Variants in VIL1 observed in about 807,000 individuals in gnomAD.
VIL1 encodes villin-1.
In VIL1, 86 loss-of-function variants were observed where a neutral mutation model predicts 104.0. The observed-to-expected ratio is 0.83, with a 90% CI of 0.69 to 0.99. The LOEUF is 0.99. Ranked by LOEUF, VIL1 falls within the 50% of genes least tolerant of loss-of-function variation. VIL1 has a pLI of 0.00. For synonymous variants in VIL1, 394 were observed against 412.6 expected (o/e 0.95, Z 0.55); for missense variants, 944 against 1,054.1 (o/e 0.90, Z 1.45).
At chr2:218,427,738 G>A (rs1357281082) in intron 4 of VIL1, among the ~76,000 whole-genome samples, 1 of 151,908 alleles carries the variant, frequency 6.6e-6, no homozygotes, top group Non-Finnish European at 1.5e-5. Flanking sequence ...CTTTAAGGTT[G>A]CTCTCACTGT....
In VIL1 at chr2:218,429,849, G is replaced by A; in HGVS notation, c.850G>A (p.Asp284Asn). 6.2e-7 allele frequency: 1 copy of A among 1,613,368 alleles called. No homozygotes were observed. Among genetic ancestry groups the A allele is most frequent in the African/African-American group, 1.3e-5 (1 of 74,896 alleles). The change falls in exon 9 of 20, where the codon GAC becomes AAC. Residue 284 changes from aspartate to asparagine, a missense_variant and splice_region_variant. Transcript: ENST00000248444. ...AGACTCTTACCTCTCCCGACTCTAG[G>A]ACTGTTACATCCTGGACCAGGGGGG... Reference protein sequence around the residue: ...PLTQDLLSHEDCYILDQGGLK... With the variant: ...PLTQDLLSHENCYILDQGGLK...
chr2:218,443,306 C>G (rs1689313227), intron 19 of VIL1, among the ~76,000 whole-genome samples: 1 of 150,630 alleles, frequency 6.6e-6, no homozygotes, highest in Admixed American at 6.7e-5. Flanking sequence ...TCAAGCGATT[C>G]TCCTGCCTCA....
At chr2:218,425,461 G>C (rs1559145225) in intron 3 of VIL1, among the ~76,000 whole-genome samples, 154 bp from the exon 4 acceptor site, 1 of 152,206 alleles carries the variant, frequency 6.6e-6, no homozygotes, top group Non-Finnish European at 1.5e-5. Flanking sequence ...GTAGAGCTGG[G>C]CCATGACTCA....
chr2:218,431,599 G>A lies in VIL1; in HGVS notation c.1103-258G>A, dbSNP rs113416416. On this transcript the variant is annotated intron_variant, in intron 10 of 19. Coordinates refer to ENST00000248444, the MANE Select transcript of VIL1 (RefSeq NM_007127.3). ...GTCTGAATGCTGCAGGGGTCAGGACGTAGATCAACAAAGCTAAAGCCTTGC... is the reference window on the plus strand; with the variant it reads ...GTCTGAATGCTGCAGGGGTCAGGACATAGATCAACAAAGCTAAAGCCTTGC... 5.3e-4 allele frequency among the ~76,000 whole-genome samples: 81 copies of A among 152,274 alleles called. 1 individual carries two copies. The highest frequency in any genetic ancestry group is 6.8e-3 in the Middle Eastern group (2 of 294).
In VIL1 at chr2:218,452,098, A is replaced by G. The variant is rs1689500203; in HGVS notation, c.*2762A>G. The G allele has an allele frequency of 6.6e-6, 1 of 152,558 alleles. No individual in the cohort carries two copies. 9.5% of individuals were successfully genotyped at this position (152,558 alleles called of 1,614,324 possible). A position where few individuals can be genotyped will look rare whatever the true frequency, so the allele number is the denominator to read the frequency against. ...TCAGTACTATTAGGTGATTAAAATC[A>G]ACAAATATGAAGTTTAGTTCATTTT... On this transcript the variant is annotated 3_prime_UTR_variant, in exon 20 of 20. Coordinates refer to ENST00000248444, the MANE Select transcript of VIL1 (RefSeq NM_007127.3).
chr2:218,435,137 A>C, intron 14 of VIL1, 152 bp from the exon 15 acceptor site: 2 of 1,074,852 alleles, frequency 1.9e-6, no homozygotes, highest in Non-Finnish European at 2.7e-6. Context: ...TCAAGGACAG[A>C]AGAAAGCATG....
chr2:218,431,779 G>A (rs1318300120), intron 10 of VIL1, 78 bp from the exon 11 acceptor site: 1 of 1,190,850 alleles, frequency 8.4e-7, no homozygotes, highest in Non-Finnish European at 1.2e-6. Flanking sequence ...AAGAATTGTA[G>A]CCACCATTCA....
chr2:218,439,683 G>C (rs1355826686), intron 18 of VIL1, among the ~76,000 whole-genome samples: 1 of 152,000 alleles, frequency 6.6e-6, no homozygotes, highest in East Asian at 1.9e-4. Flanking sequence ...CAGGTGTGGT[G>C]GTGCGTGCTT....
intron 19 of VIL1, among the ~76,000 whole-genome samples, chr2:218,446,724 T>G (rs1212148642): frequency 6.7e-6 from 1 of 150,222 alleles, no homozygotes; most frequent in Non-Finnish European, 1.5e-5. Context: ...GTCAGTATGG[T>G]GCAGTGGAAC....
At chr2:218,419,473 G>A (rs1411431040) in intron 1 of VIL1, among the ~76,000 whole-genome samples, 1 of 152,102 alleles carries the variant, frequency 6.6e-6, no homozygotes, top group Non-Finnish European at 1.5e-5. Context: ...GTTAAAACCA[G>A]GACAGTGCTG....
chr2:218,439,959 T>C (rs1314655665), intron 18 of VIL1, among the ~76,000 whole-genome samples: 2 of 151,898 alleles, frequency 1.3e-5, no homozygotes, highest in Admixed American at 1.3e-4. Flanking sequence ...CAGAGCTAAC[T>C]CTGAGGAATG....
At position 218,449,330 on chromosome 2, in the gene VIL1, A is replaced by G; in HGVS notation, c.2478A>G (p.Leu826=). The change falls in exon 20 of 20, where the codon CTA becomes CTG. Residue 826 remains leucine, a synonymous_variant. Coordinates refer to ENST00000248444, the MANE Select transcript of VIL1 (RefSeq NM_007127.3). ...AAAACCTCAAGAAAGAAAAAGGACT[A>G]TTTTGAGAAGAGTAGCTGTGGTTGT... ...KQQNLKKEKG[L]F is the part of the protein sequence containing the mutation. The G allele has an allele frequency of 6.2e-7, 1 of 1,611,826 alleles. No homozygotes were observed. The highest frequency in any genetic ancestry group is 2.2e-5 in the East Asian group (1 of 44,852).
At chr2:218,422,991 C>G (rs1218938679) in intron 1 of VIL1, among the ~76,000 whole-genome samples, 1 of 152,220 alleles carries the variant, frequency 6.6e-6, no homozygotes, top group African/African-American at 2.4e-5. Context: ...TGCCCAAGCC[C>G]CACCCTGGCC....
At chr2:218,421,643 A>G (rs2384948) in intron 1 of VIL1, among the ~76,000 whole-genome samples, 151,790 of 152,200 alleles carry the variant, frequency 1, 75,691 homozygotes, top group Middle Eastern at 1. Context: ...GGGGGGCCAC[A>G]TCTCAGAGCT....
rs779534067 is a variant in VIL1 at position 218,431,999 on chromosome 2, T to C, written c.1203+42T>C. The stretch of plus-strand genomic sequence containing the variant: ...AGGCCCGTGCTGGGTGGAGCAGGAA[T>C]GGTGGAGCCTGTCCTGGACCTCACC... On this transcript the variant is annotated intron_variant, in intron 11 of 19. Transcript: ENST00000248444. 7 of 1,614,006 alleles carry C rather than the reference T, an allele frequency of 4.3e-6. No homozygotes were observed. The East Asian group carries it at 1.3e-4, about 31-fold the overall frequency.
chr2:218,440,392 C>T (rs1453224233), intron 18 of VIL1, among the ~76,000 whole-genome samples: 1 of 152,152 alleles, frequency 6.6e-6, no homozygotes, highest in Non-Finnish European at 1.5e-5. Flanking sequence ...ACCTCAGCCT[C>T]CTGAGTAGAT....
chr2:218,429,259 A>G (rs1460062330), intron 6 of VIL1, 26 bp from the exon 7 acceptor site: 3 of 1,598,088 alleles, frequency 1.9e-6, no homozygotes, highest in East Asian at 4.5e-5. Context: ...ACTACTCCCG[A>G]TGGGTCACCA....
Position 218,428,075 on chromosome 2 carries a change from T to C in VIL1, c.456+2T>C. 1 of 1,613,596 alleles carries C rather than the reference T, an allele frequency of 6.2e-7. No homozygotes were observed. Among genetic ancestry groups the C allele is most frequent in the Non-Finnish European group, 8.5e-7 (1 of 1,179,796 alleles). On this transcript the variant is annotated splice_donor_variant, in intron 5 of 19. Coordinates refer to ENST00000248444, the MANE Select transcript of VIL1 (RefSeq NM_007127.3). LOFTEE classifies it high-confidence loss of function. ...AAGAGGAACGTGGTAGCTGGAGAGG[T>C]AGGCAGGCCCCACTGGAGCATCGGC...
At chr2:218,443,262 G>A (rs1199128619) in intron 19 of VIL1, among the ~76,000 whole-genome samples, 3 of 149,956 alleles carry the variant, frequency 2.0e-5, no homozygotes, top group African/African-American at 7.4e-5. Flanking sequence ...GCAGTGGCGC[G>A]ATCTCGGCTC....
Sources: gnomAD v4.1 joint callset for allele counts (sites outside exome capture counted in the v4.1 genomes callset) on GRCh38, gnomAD v4.1.1 for gene constraint, MANE v1.5 for transcripts, NCBI Gene and HGNC (gene_info 2026-07-23, HGNC 2026-07-21) for gene names.